DNMT3A: variants seen among roughly 807,000 people sequenced by gnomAD.
DNMT3A encodes the protein DNA (cytosine-5)-methyltransferase 3A.
Under a neutral mutation model 117.6 loss-of-function variants are expected in DNMT3A, and 267 were observed. The ratio of observed to expected loss-of-function variants is 2.27; its 90% CI spans 2.05 to 2.51. DNMT3A has a LOEUF of 2.51. Ranked by LOEUF, DNMT3A falls within the 30% of genes most tolerant of loss-of-function variation. DNMT3A has a pLI of 0.00. For synonymous variants in DNMT3A, 432 were observed against 474.8 expected, an observed-to-expected ratio of 0.91 and a Z score of 1.17; for missense variants, 1,029 against 1,260.2, an observed-to-expected ratio of 0.82 and a Z score of 2.78.
intron 6 of DNMT3A, among the ~76,000 whole-genome samples, chr2:25,270,622 G>C (rs1015214140): frequency 6.6e-6 from 1 of 151,924 alleles, no homozygotes; most frequent in African/African-American, 2.4e-5. Context: ...AGGGTACTTG[G>C]ATCTAGGAGG....
chr2:25,307,894 C>T (rs1484511653), intron 2 of DNMT3A, among the ~76,000 whole-genome samples: 2 of 152,194 alleles, frequency 1.3e-5, no homozygotes, highest in African/African-American at 2.4e-5. Context: ...GTGACTGTGG[C>T]CCCTCACCTA....
chr2:25,247,031 C>G lies in DNMT3A; in HGVS notation c.1122+20G>C, dbSNP rs752297775. Reference sequence around the variant, plus strand: ...TAGTGCTCTAGGCTCCTCCTCCGAGCTCCCAGCAGGGACACTCACCTGCAG... The same window carrying G: ...TAGTGCTCTAGGCTCCTCCTCCGAGGTCCCAGCAGGGACACTCACCTGCAG... On this transcript the variant is annotated intron_variant, in intron 9 of 22. Transcript: ENST00000321117. This position sits in a 1 kb window ranked among gnomAD's most constrained non-coding sequence, Gnocchi z 5.6. 6.2e-7 allele frequency: 1 copy of G among 1,610,880 alleles called. No individual in the cohort carries two copies. The highest frequency in any genetic ancestry group is 1.1e-5 in the South Asian group (1 of 90,500).
rs560585650 is a variant in DNMT3A at position 25,305,920 on chromosome 2, C to T, written c.73-5677G>A. On this transcript the variant is annotated intron_variant, in intron 2 of 22. Coordinates refer to ENST00000321117, the MANE Select transcript of DNMT3A (RefSeq NM_022552.5). This position sits in a 1 kb window ranked among gnomAD's most constrained non-coding sequence, Gnocchi z 4.1. ...AAACCGGATGCTACTGACCCAGCAT[C>T]GGTTGAGCAGATGTCTCGAGTTGGT... Among the ~76,000 whole-genome samples, 7 of 152,344 alleles carry T rather than the reference C, an allele frequency of 4.6e-5. No homozygotes were observed. In the South Asian group the frequency reaches 1.0e-3, roughly 23 times the overall value.
intron 1 of DNMT3A, among the ~76,000 whole-genome samples, chr2:25,322,495 T>C (rs997046327): frequency 2.7e-5 from 4 of 147,180 alleles, no homozygotes; most frequent in African/African-American, 9.9e-5. Context: ...AAACACATCA[T>C]TCCCGCTGCG....
At chr2:25,333,555 T>C (rs951334988) in intron 1 of DNMT3A, among the ~76,000 whole-genome samples, 2 of 152,138 alleles carry the variant, frequency 1.3e-5, no homozygotes, top group East Asian at 1.9e-4. Flanking sequence ...GGTCTCGAAC[T>C]CCTCACCTCA....
chr2:25,314,580 C>T, intron 1 of DNMT3A: 2 of 985,360 alleles, frequency 2.0e-6, no homozygotes, highest in Non-Finnish European at 2.4e-6. Context: ...TGTCCTCACC[C>T]CCACCCCCAC....
At chr2:25,334,563 T>C (rs2035137917) in intron 1 of DNMT3A, among the ~76,000 whole-genome samples, 1 of 152,214 alleles carries the variant, frequency 6.6e-6, no homozygotes, top group South Asian at 2.1e-4. Context: ...ACTGATGCTT[T>C]TGGGGGAAGA....
In DNMT3A at chr2:25,252,688, G is replaced by C. The variant is rs1397115951; in HGVS notation, c.640-4436C>G. Among the ~76,000 whole-genome samples the C allele has an allele frequency of 6.6e-6, 1 of 152,156 alleles. No individual in the cohort carries two copies. Among genetic ancestry groups the C allele is most frequent in the Non-Finnish European group, 1.5e-5 (1 of 68,014 alleles). ...CTGCCCGGAGGGAGCCGGGGGTCCG[G>C]GCGAAAGCAAGCCGGAGCTTTCGGA... On this transcript the variant is annotated intron_variant, in intron 6 of 22. Transcript: ENST00000321117. The surrounding 1 kb of genome is among the most constrained non-coding windows in gnomAD (Gnocchi z 5.5).
In DNMT3A at chr2:25,337,507, G is replaced by A. The variant is rs1233772690; in HGVS notation, c.-178+4319C>T. ...TGAGGAAACTGAGGCCCAGGGAATC[G>A]AGTTGTTGCCCAAGTTCCTGCCGCT... On this transcript the variant is annotated intron_variant, in intron 1 of 22. Coordinates refer to ENST00000321117, the MANE Select transcript of DNMT3A (RefSeq NM_022552.5). The surrounding 1 kb of genome is among the most constrained non-coding windows in gnomAD (Gnocchi z 5.0). 1.3e-5 allele frequency among the ~76,000 whole-genome samples: 2 copies of A among 152,178 alleles called. No individual in the cohort carries two copies. Among genetic ancestry groups the A allele is most frequent in the East Asian group, 3.9e-4 (2 of 5,194 alleles).
chr2:25,306,007 C>G lies in DNMT3A; in HGVS notation c.73-5764G>C, dbSNP rs2033763722. Reference sequence around the variant, plus strand: ...AGCTACTTGCCCGGGCCCCCTGGGACAAGAAGCATGCCCAGCCTTTGCCAG... The same window carrying G: ...AGCTACTTGCCCGGGCCCCCTGGGAGAAGAAGCATGCCCAGCCTTTGCCAG... On this transcript the variant is annotated intron_variant, in intron 2 of 22. Coordinates refer to ENST00000321117, the MANE Select transcript of DNMT3A (RefSeq NM_022552.5). The surrounding 1 kb of genome is among the most constrained non-coding windows in gnomAD (Gnocchi z 4.1). 6.6e-6 allele frequency among the ~76,000 whole-genome samples: 1 copy of G among 152,214 alleles called. No homozygotes were observed. Among genetic ancestry groups the G allele is most frequent in the Non-Finnish European group, 1.5e-5 (1 of 68,032 alleles).
At chr2:25,248,683 G>T (rs1158161929) in intron 6 of DNMT3A, among the ~76,000 whole-genome samples, 1 of 152,076 alleles carries the variant, frequency 6.6e-6, no homozygotes, top group East Asian at 1.9e-4. Flanking sequence ...GAGTAGCTGG[G>T]ATTACAGGCA....
Position 25,281,679 on chromosome 2 carries a change from C to T in DNMT3A, c.448+762G>A. Reference sequence around the variant, plus strand: ...AAAGCGCTTTGTAAACTGTGAAGCCCTGTACAAATGCTAGTTGTCCTCATT... The same window carrying T: ...AAAGCGCTTTGTAAACTGTGAAGCCTTGTACAAATGCTAGTTGTCCTCATT... On this transcript the variant is annotated intron_variant, in intron 4 of 22. Coordinates refer to ENST00000321117, the MANE Select transcript of DNMT3A (RefSeq NM_022552.5). This position sits in a 1 kb window ranked among gnomAD's most constrained non-coding sequence, Gnocchi z 4.8. 1 of 1,065,752 alleles carries T rather than the reference C, an allele frequency of 9.4e-7. No individual in the cohort carries two copies. Among genetic ancestry groups the T allele is most frequent in the Non-Finnish European group, 1.1e-6 (1 of 879,496 alleles). The allele number at this position is 1,065,752 out of a possible 1,614,324, so 66.0% of individuals were successfully genotyped here. A position where few individuals can be genotyped will look rare whatever the true frequency, so the allele number is the denominator to read the frequency against.
At position 25,339,687 on chromosome 2, in the gene DNMT3A, C is replaced by A. The variant is rs1348661485; in HGVS notation, c.-178+2139G>T. On this transcript the variant is annotated intron_variant, in intron 1 of 22. Coordinates refer to ENST00000321117, the MANE Select transcript of DNMT3A (RefSeq NM_022552.5). This position sits in a 1 kb window ranked among gnomAD's most constrained non-coding sequence, Gnocchi z 4.9. Reference sequence around the variant, plus strand: ...AGGGGGACCATTTTGCCCCAGAAACCCAGCAGGAACTCCCTACAACCCAAC... The same window carrying A: ...AGGGGGACCATTTTGCCCCAGAAACACAGCAGGAACTCCCTACAACCCAAC... Among the ~76,000 whole-genome samples the A allele has an allele frequency of 6.6e-6, 1 of 152,170 alleles. No individual in the cohort carries two copies. Among genetic ancestry groups the A allele is most frequent in the African/African-American group, 2.4e-5 (1 of 41,440 alleles).
At chr2:25,329,522 C>T (rs1380774461) in intron 1 of DNMT3A, among the ~76,000 whole-genome samples, 1 of 152,088 alleles carries the variant, frequency 6.6e-6, no homozygotes, top group African/African-American at 2.4e-5. Context: ...GTGCTCACTC[C>T]TAGGAACGGC....
At chr2:25,312,374 C>A (rs762688924) in intron 2 of DNMT3A, among the ~76,000 whole-genome samples, 33 of 152,222 alleles carry the variant, frequency 2.2e-4, no homozygotes, top group African/African-American at 7.2e-4. Flanking sequence ...TCGGTCGCCC[C>A]GGGCGTCCTG....
chr2:25,335,131 T>C (rs2149450784), intron 1 of DNMT3A, among the ~76,000 whole-genome samples: 1 of 152,350 alleles, frequency 6.6e-6, no homozygotes, highest in Non-Finnish European at 1.5e-5. Context: ...GAGATTACAC[T>C]ATGAACTTTT....
Position 25,244,209 on chromosome 2 carries a change from C to A in DNMT3A, c.1797G>T (p.Glu599Asp), listed in dbSNP as rs760881379. ...ACATCTGGAGCCGGGAGGGCCAGTC[C>A]TCTCGCCGCCGCAGCAGCCCGTAGG... is the stretch of plus-strand genomic sequence containing the variant. ...KGTYGLLRRR[E>D]DWPSRLQMFF... The change falls in exon 15 of 23, where the codon GAG becomes GAT. Residue 599 changes from glutamate to aspartate, a missense_variant. Glu to Asp is a conservative substitution (Grantham distance 45). Transcript: ENST00000321117. 5 of 1,613,946 alleles carry A rather than the reference C, an allele frequency of 3.1e-6. No individual in the cohort carries two copies. The highest frequency in any genetic ancestry group is 4.2e-6 in the Non-Finnish European group (5 of 1,180,042).
chr2:25,299,190 G>T (rs946743157), intron 3 of DNMT3A, among the ~76,000 whole-genome samples: 4 of 152,200 alleles, frequency 2.6e-5, no homozygotes, highest in African/African-American at 9.7e-5. Flanking sequence ...CTGAGTTTAA[G>T]ACATAAACCA....
At position 25,244,294 on chromosome 2, in the gene DNMT3A, GCCCCCGGCCCCA is replaced by G. The variant is rs1674455426; in HGVS notation, c.1700_1711del (p.Val567_Gly570del). 1 of 1,611,088 alleles carries G rather than the reference GCCCCCGGCCCCA, an allele frequency of 6.2e-7. No individual in the cohort carries two copies. The highest frequency in any genetic ancestry group is 1.3e-5 in the African/African-American group (1 of 74,694). ...GTCTTCCTTAATGGCTGCCTGGGCA[GCCCCCGGCCCCA>G]CCAAGAGGTCCACACACTCCACGCA... On this transcript the variant is annotated inframe_deletion, in exon 15 of 23. Transcript: ENST00000321117.
Sources: allele counts gnomAD v4.1 joint callset (sites outside exome capture counted in the v4.1 genomes callset), GRCh38; gene constraint gnomAD v4.1.1; non-coding constraint Gnocchi (gnomAD v3.1); transcripts MANE v1.5; gene names NCBI Gene and HGNC (gene_info 2026-07-23, HGNC 2026-07-21).